MDGA2: variants seen among roughly 807,000 people sequenced by gnomAD.
The protein encoded by MDGA2 is MAM domain containing glycosylphosphatidylinositol anchor 2.
A neutral mutation model predicts 117.8 loss-of-function variants in MDGA2; 40 were observed. The ratio of observed to expected loss-of-function variants is 0.34; its 90% confidence interval spans 0.26 to 0.44. The LOEUF is 0.44. MDGA2 is among the 20% of genes least tolerant of loss of function. The pLI is 1.00. For missense variants in MDGA2, 1,123 were observed against 1,250.6 expected, an observed-to-expected ratio of 0.90 and a Z score of 1.54; for synonymous variants, 452 against 439.0, an observed-to-expected ratio of 1.03 and a Z score of -0.37.
chr14:47,213,818 C>T (rs1270409373), intron 3 of MDGA2, among the ~76,000 whole-genome samples: 1 of 151,958 alleles, frequency 6.6e-6, no homozygotes. Flanking sequence ...CTGGGTAATT[C>T]ATGAAAGAAA....
At chr14:46,938,540 C>CAAAAAAAAAAAAATAAAA (rs1884871081) in intron 9 of MDGA2, among the ~76,000 whole-genome samples, 1 of 27,008 alleles carries the variant, frequency 3.7e-5, no homozygotes, top group Non-Finnish European at 8.8e-5. Flanking sequence ...AAATCCATCT[C>CAAAAAAAAAAAAATAAAA]AAAAAAAAAA....
chr14:46,996,837 G>T, intron 8 of MDGA2: 1 of 224,436 alleles, frequency 4.5e-6, no homozygotes, highest in East Asian at 1.1e-4. Flanking sequence ...TGCCCCTCAA[G>T]GATATGAATG....
At chr14:47,380,617 T>C (rs1241085013) in intron 1 of MDGA2, among the ~76,000 whole-genome samples, 2 of 151,782 alleles carry the variant, frequency 1.3e-5, no homozygotes, top group Non-Finnish European at 2.9e-5. Context: ...CTAGAAGAAA[T>C]GGATAAATTC....
chr14:47,275,634 GA>G (rs1343761404), intron 2 of MDGA2, among the ~76,000 whole-genome samples: 2 of 151,954 alleles, frequency 1.3e-5, no homozygotes, highest in East Asian at 1.9e-4. Flanking sequence ...ATAATTCCAT[GA>G]AAAAAGGGGG....
intron 10 of MDGA2, among the ~76,000 whole-genome samples, chr14:46,892,176 A>G (rs186456757): frequency 2.3e-4 from 35 of 152,144 alleles, no homozygotes; most frequent in Non-Finnish European, 4.6e-4. Flanking sequence ...AGACATATAG[A>G]CAAATGGAAC....
intron 8 of MDGA2, among the ~76,000 whole-genome samples, chr14:47,013,792 A>ATC (rs1887986051): frequency 7.5e-6 from 1 of 134,054 alleles, no homozygotes; most frequent in African/African-American, 2.6e-5. Flanking sequence ...ATATATATAT[A>ATC]TCTCCTTTTT....
chr14:47,669,143 C>T (rs1898029878), intron 1 of MDGA2, among the ~76,000 whole-genome samples: 1 of 152,170 alleles, frequency 6.6e-6, no homozygotes, highest in Admixed American at 6.5e-5. Flanking sequence ...CAGAGCACAT[C>T]CTTGCAGAAA....
chr14:47,522,198 A>G (rs760647564), intron 1 of MDGA2, among the ~76,000 whole-genome samples: 3 of 152,168 alleles, frequency 2.0e-5, no homozygotes, highest in Non-Finnish European at 2.9e-5. Context: ...AGGTATGCCA[A>G]TGATTTTTCT....
intron 1 of MDGA2, among the ~76,000 whole-genome samples, chr14:47,455,206 T>C (rs1326869285): frequency 1.3e-5 from 2 of 152,128 alleles, no homozygotes; most frequent in African/African-American, 4.8e-5. Flanking sequence ...TATTATCTAG[T>C]TTTTAAGAAT....
chr14:47,572,854 C>T (rs10137413), intron 1 of MDGA2, among the ~76,000 whole-genome samples: 42,710 of 152,074 alleles, frequency 0.28, 7,990 homozygotes, highest in East Asian at 0.79. Context: ...CCAATCAGAA[C>T]AGCAGACTAA....
chr14:47,197,240 C>T (rs1232766527), intron 3 of MDGA2, among the ~76,000 whole-genome samples: 1 of 151,962 alleles, frequency 6.6e-6, no homozygotes, highest in African/African-American at 2.4e-5. Context: ...AATCTCAACC[C>T]CGAATGATAT....
intron 7 of MDGA2, among the ~76,000 whole-genome samples, chr14:47,057,801 T>C (rs1428778485): frequency 6.6e-6 from 1 of 151,638 alleles, no homozygotes; most frequent in East Asian, 2.0e-4. Flanking sequence ...GTCAACCAGG[T>C]TGAAGTGAAG....
rs553836464 is a variant in MDGA2 at position 47,593,933 on chromosome 14, A to C, written c.280+80584T>G. ...AAAAACAAAACTTTGCCGATTTGTGAGGTTAGTTACTGCAAATATTTCTTG... is the reference window on the plus strand; with the variant it reads ...AAAAACAAAACTTTGCCGATTTGTGCGGTTAGTTACTGCAAATATTTCTTG... On this transcript the variant is annotated intron_variant, in intron 1 of 16. Coordinates refer to ENST00000399232, the MANE Select transcript of MDGA2 (RefSeq NM_001113498.3). Among the ~76,000 whole-genome samples, 6 of 152,296 alleles carry C rather than the reference A, an allele frequency of 3.9e-5. 1 individual carries two copies. In the East Asian group the frequency reaches 1.2e-3, roughly 29 times the overall value.
intron 4 of MDGA2, among the ~76,000 whole-genome samples, chr14:47,132,391 G>A (rs1364707322): frequency 6.6e-6 from 1 of 151,884 alleles, no homozygotes; most frequent in African/African-American, 2.4e-5. Context: ...ACAGGTGACA[G>A]ATCTAAAACT....
intron 1 of MDGA2, among the ~76,000 whole-genome samples, chr14:47,377,730 G>A (rs928988349): frequency 1.3e-5 from 2 of 152,156 alleles, no homozygotes; most frequent in African/African-American, 2.4e-5. Context: ...CCAACTGGGT[G>A]GAGCCCACAG....
intron 9 of MDGA2, among the ~76,000 whole-genome samples, chr14:46,933,313 G>C (rs1369359893): frequency 1.3e-5 from 2 of 152,024 alleles, no homozygotes; most frequent in East Asian, 3.9e-4. Flanking sequence ...AATAGCAATA[G>C]ATTGATTTCA....
chr14:46,888,923 T>C (rs1036034482), intron 10 of MDGA2, among the ~76,000 whole-genome samples: 1 of 151,992 alleles, frequency 6.6e-6, no homozygotes, highest in Non-Finnish European at 1.5e-5. Flanking sequence ...TTAGCAACCA[T>C]ACTGATAGTA....
At chr14:47,046,364 T>C (rs1485276359) in intron 7 of MDGA2, among the ~76,000 whole-genome samples, 1 of 151,842 alleles carries the variant, frequency 6.6e-6, no homozygotes, top group African/African-American at 2.4e-5. Context: ...TTTAAAATAA[T>C]GCAGAGTTGT....
At chr14:46,866,294 G>T (rs1881757150) in intron 14 of MDGA2, among the ~76,000 whole-genome samples, 1 of 152,082 alleles carries the variant, frequency 6.6e-6, no homozygotes, top group African/African-American at 2.4e-5. Flanking sequence ...AATGGGGAAA[G>T]GATTCCCTAT....
Sources: allele counts gnomAD v4.1 joint callset (sites outside exome capture counted in the v4.1 genomes callset), GRCh38; gene constraint gnomAD v4.1.1; transcripts MANE v1.5; gene names NCBI Gene and HGNC (gene_info 2026-07-23, HGNC 2026-07-21).